ADAMTS17: variants seen among roughly 807,000 people sequenced by gnomAD.
ADAMTS17 encodes the protein A disintegrin and metalloproteinase with thrombospondin motifs 17.
In ADAMTS17, 113 loss-of-function variants were observed where a neutral mutation model predicts 141.5. That is an observed-to-expected ratio of 0.80 (90% CI 0.69 to 0.93). The LOEUF is 0.93. Ranked by LOEUF, ADAMTS17 falls within the 40% of genes least tolerant of loss-of-function variation. The probability of loss-of-function intolerance (pLI) is 0.00; values close to 1 mark genes in which losing one functional copy is unlikely to be tolerated. For missense variants in ADAMTS17, 1,659 were observed against 1,517.9 expected (o/e 1.09, Z -1.54); for synonymous variants, 768 against 630.6 (o/e 1.22, Z -3.27).
intron 18 of ADAMTS17, among the ~76,000 whole-genome samples, chr15:100,046,427 T>A (rs929522689): frequency 2.6e-5 from 4 of 152,222 alleles, no homozygotes; most frequent in African/African-American, 9.7e-5. Flanking sequence ...GCAGTTCTCA[T>A]TTCATCTGTT....
intron 15 of ADAMTS17, among the ~76,000 whole-genome samples, chr15:100,065,701 A>G (rs555988386): frequency 2.6e-5 from 4 of 152,190 alleles, no homozygotes; most frequent in African/African-American, 9.6e-5. Flanking sequence ...CAGGTTAGGG[A>G]CATTCTCTTG....
At chr15:100,184,757 C>T (rs1205410196) in intron 8 of ADAMTS17, among the ~76,000 whole-genome samples, 3 of 152,204 alleles carry the variant, frequency 2.0e-5, no homozygotes, top group African/African-American at 7.2e-5. Flanking sequence ...CATCATGCTG[C>T]TGTGGCCATC....
At chr15:100,066,384 T>A (rs994963576) in intron 15 of ADAMTS17, among the ~76,000 whole-genome samples, 2 of 151,374 alleles carry the variant, frequency 1.3e-5, no homozygotes, top group African/African-American at 4.9e-5. Flanking sequence ...CGTCTTAGAT[T>A]TTTTTTTTTA....
intron 7 of ADAMTS17, among the ~76,000 whole-genome samples, chr15:100,246,908 A>C (rs2043005591): frequency 8.7e-6 from 1 of 115,416 alleles, no homozygotes; most frequent in Non-Finnish European, 1.8e-5. Flanking sequence ...TTTTGAGACA[A>C]TGTCTCTCTC....
In ADAMTS17 at chr15:100,051,576, G is replaced by A. The variant is rs1398846816; in HGVS notation, c.2451C>T (p.Gly817=). ...SGWEGCSVQC[G]GGERRTIVSC... ...TCATGGACCACGGCCACTCACCTCC[G>A]CCGCACTGCACACTGCACCCTTCCC... The change falls in exon 17 of 22, where the codon GGC becomes GGT. Residue 817 remains glycine (G), a synonymous_variant. Coordinates refer to ENST00000268070, the MANE Select transcript of ADAMTS17 (RefSeq NM_139057.4). The A allele has an allele frequency of 8.1e-6, 13 of 1,613,312 alleles. No individual in the cohort carries two copies. The highest frequency in any genetic ancestry group is 2.7e-5 in the African/African-American group (2 of 74,866).
intron 20 of ADAMTS17, among the ~76,000 whole-genome samples, chr15:99,990,641 T>A (rs1045261178): frequency 1.3e-5 from 2 of 149,878 alleles, no homozygotes; most frequent in Admixed American, 6.6e-5. Flanking sequence ...TTTTTTTTTT[T>A]ACTCAAAGGG....
At chr15:100,087,443 A>C (rs8034161) in intron 15 of ADAMTS17, among the ~76,000 whole-genome samples, 49,470 of 151,554 alleles carry the variant, frequency 0.33, 10,275 homozygotes, top group East Asian at 0.58. Flanking sequence ...TTCTGAAACT[A>C]TTCCAATCAA....
chr15:99,992,905 T>C, intron 20 of ADAMTS17, 143 bp downstream of exon 20: 3 of 1,046,826 alleles, frequency 2.9e-6, no homozygotes, highest in East Asian at 2.6e-5. Context: ...CTTGGGTAGT[T>C]GCAGCGGGTG....
At chr15:100,090,612 C>T (rs904560257) in intron 15 of ADAMTS17, among the ~76,000 whole-genome samples, 5 of 152,204 alleles carry the variant, frequency 3.3e-5, no homozygotes, top group African/African-American at 7.2e-5. Flanking sequence ...AGGGCGGACT[C>T]GGTACCCAAG....
At chr15:100,182,116 G>A (rs570638995) in intron 8 of ADAMTS17, among the ~76,000 whole-genome samples, 1 of 152,272 alleles carries the variant, frequency 6.6e-6, no homozygotes, top group Non-Finnish European at 1.5e-5. Context: ...AGAAATACCC[G>A]AGTCTGGGTA....
rs1344932953 is a variant in ADAMTS17, at chr15:99,973,604, A to C, written c.*798T>G. On this transcript the variant is annotated 3_prime_UTR_variant, in exon 22 of 22. Transcript: ENST00000268070. ...CTTAGGAAGCAACCCCATCACCGCA[A>C]TTACCGTTTCTTATGTCACAGCACC... The C allele has an allele frequency of 1.3e-5, 2 of 151,764 alleles. No individual in the cohort carries two copies. Among genetic ancestry groups the C allele is most frequent in the Admixed American group, 1.3e-4 (2 of 15,274 alleles). The allele number at this position is 151,764 out of a possible 1,614,324, so 9.4% of individuals were successfully genotyped here.
intron 9 of ADAMTS17, among the ~76,000 whole-genome samples, chr15:100,153,457 A>G (rs759976998): frequency 1.3e-5 from 2 of 152,076 alleles, no homozygotes; most frequent in Admixed American, 6.5e-5. Context: ...TCTGGCCAAC[A>G]TGGGGAAACT....
In ADAMTS17 at chr15:99,997,680, C is replaced by G. The variant is rs1184202266; in HGVS notation, c.2592-91G>C. 2 of 1,529,504 alleles carry G rather than the reference C, an allele frequency of 1.3e-6. No homozygotes were observed. The highest frequency in any genetic ancestry group is 2.7e-5 in the African/African-American group (2 of 73,202). The allele number at this position is 1,529,504 out of a possible 1,614,324, so 94.7% of individuals were successfully genotyped here. On this transcript the variant is annotated intron_variant, in intron 18 of 21. Transcript: ENST00000268070. The surrounding 1 kb of genome is among the most constrained non-coding windows in gnomAD (Gnocchi z 4.7). ...CCGGCCGGATCCTGGAATTGCTGCC[C>G]TGTGGTGGGAGAGAGGGAGGCAGAC...
intron 15 of ADAMTS17, among the ~76,000 whole-genome samples, chr15:100,074,743 A>T (rs1050544263): frequency 2.0e-5 from 3 of 152,180 alleles, no homozygotes; most frequent in Admixed American, 2.0e-4. Flanking sequence ...AATTAGGAGT[A>T]TTTCTATGCT....
chr15:100,107,045 G>T (rs1437503702), intron 14 of ADAMTS17, among the ~76,000 whole-genome samples: 1 of 152,168 alleles, frequency 6.6e-6, no homozygotes, highest in Non-Finnish European at 1.5e-5. Context: ...CAGTGCCAAA[G>T]GAGTCTGGGT....
At chr15:100,314,267 A>G (rs946957389) in intron 3 of ADAMTS17, among the ~76,000 whole-genome samples, 3 of 152,266 alleles carry the variant, frequency 2.0e-5, no homozygotes, top group African/African-American at 4.8e-5. Context: ...TACCAAGAAA[A>G]GAAAGCTATA....
In ADAMTS17 at chr15:100,021,579, T is replaced by C. The variant is rs1053803805; in HGVS notation, c.2592-23990A>G. On this transcript the variant is annotated intron_variant, in intron 18 of 21. Coordinates refer to ENST00000268070, the MANE Select transcript of ADAMTS17 (RefSeq NM_139057.4). ...GACGGCTCCCTAGTACCTAATGCCT[T>C]CCATATCCTGAGCCCAGCATTCCGG... Among the ~76,000 whole-genome samples, 20 of 152,286 alleles carry C rather than the reference T, an allele frequency of 1.3e-4. No individual in the cohort carries two copies. In the South Asian group the frequency reaches 1.5e-3, roughly 11 times the overall value.
intron 3 of ADAMTS17, among the ~76,000 whole-genome samples, chr15:100,299,904 TG>T (rs1248953054): frequency 6.6e-6 from 1 of 152,120 alleles, no homozygotes; most frequent in African/African-American, 2.4e-5. Flanking sequence ...GGTTTGAGGA[TG>T]GGAACAGCCC....
chr15:100,158,069 A>C (rs2039518214), intron 8 of ADAMTS17, among the ~76,000 whole-genome samples: 1 of 152,074 alleles, frequency 6.6e-6, no homozygotes, highest in African/African-American at 2.4e-5. Flanking sequence ...TTGTATTTTT[A>C]GTAGAGACAG....
Sources: allele counts gnomAD v4.1 joint callset (sites outside exome capture counted in the v4.1 genomes callset), GRCh38; gene constraint gnomAD v4.1.1; non-coding constraint Gnocchi (gnomAD v3.1); transcripts MANE v1.5; gene names NCBI Gene and HGNC (gene_info 2026-07-23, HGNC 2026-07-21).